The following ZFPM1 variants were observed in gnomAD, a reference collection of about 807,000 sequenced individuals.
The protein encoded by ZFPM1 is zinc finger protein, FOG family member 1, also known as zinc finger protein ZFPM1.
ZFPM1 carries 28 observed loss-of-function variants against 46.3 expected under a neutral mutation model. The ratio of observed to expected loss-of-function variants is 0.60; its 90% CI spans 0.45 to 0.83. ZFPM1 has a LOEUF of 0.83. Ranked by LOEUF, ZFPM1 falls within the 40% of genes least tolerant of loss-of-function variation. The pLI is 0.00. For synonymous variants in ZFPM1, 957 were observed against 675.9 expected, an observed-to-expected ratio of 1.42 and a Z score of -6.45; for missense variants, 1,878 against 1,432.4, an observed-to-expected ratio of 1.31 and a Z score of -5.02.
chr16:88,534,393 C>G lies in ZFPM1; in HGVS notation c.2435C>G (p.Ala812Gly). The change falls in exon 10 of 10, where the codon GCG becomes GGG. Residue 812 changes from alanine to glycine, a missense_variant. By Grantham distance (60) the Ala-to-Gly change is moderately conservative. Transcript: ENST00000319555. ...CCGCTCCCCGGAGCCCCGGCACCGG[C>G]GCTGGCCGACTACCACGAGTGCACG... ...RRPLPGAPAP[A>G]LADYHECTAC... 1 of 1,471,866 alleles carries G rather than the reference C, an allele frequency of 6.8e-7. No homozygotes were observed. The highest frequency in any genetic ancestry group is 1.3e-5 in the South Asian group (1 of 79,484). 91.2% of individuals were successfully genotyped at this position (1,471,866 alleles called of 1,614,324 possible). A position where few individuals can be genotyped will look rare whatever the true frequency, so the allele number is the denominator to read the frequency against.
At chr16:88,521,615 C>G (rs1911894017) in intron 4 of ZFPM1, among the ~76,000 whole-genome samples, 1 of 131,840 alleles carries the variant, frequency 7.6e-6, no homozygotes. Flanking sequence ...TCATGCTGTT[C>G]CCCCAACCCG....
chr16:88,535,437 A>G lies in ZFPM1; in HGVS notation c.*458A>G, dbSNP rs963052431. The G allele has an allele frequency of 3.9e-5, 6 of 153,350 alleles. No homozygotes were observed. The highest frequency in any genetic ancestry group is 1.4e-4 in the African/African-American group (6 of 41,484). 9.5% of individuals were successfully genotyped at this position (153,350 alleles called of 1,614,324 possible). ...AGCCTCCACACTGCTGACCCTCTCC[A>G]CGGTCTACTTGGCCGCCAGACACGG... On this transcript the variant is annotated 3_prime_UTR_variant, in exon 10 of 10. Transcript: ENST00000319555.
At position 88,464,169 on chromosome 16, in the gene ZFPM1, C is replaced by G. The variant is rs34133766; in HGVS notation, c.40+10491C>G. 7.1e-3 allele frequency among the ~76,000 whole-genome samples: 1,076 copies of G among 152,274 alleles called. 8 individuals carry two copies. Among genetic ancestry groups the G allele is most frequent in the Non-Finnish European group, 0.01 (709 of 68,006 alleles). ...TGGGTGCCGCGTCTCAAGGAAGGGC[C>G]CTGAGGAGAGGTGAGCAGCCCCTCA... On this transcript the variant is annotated intron_variant, in intron 1 of 9. Coordinates refer to ENST00000319555, the MANE Select transcript of ZFPM1 (RefSeq NM_153813.3).
In ZFPM1 at chr16:88,533,320, GC is replaced by G; in HGVS notation, c.1367del (p.Pro456ArgfsTer342). 3 of 1,531,716 alleles carry G rather than the reference GC, an allele frequency of 2.0e-6. No individual in the cohort carries two copies. Among genetic ancestry groups the G allele is most frequent in the African/African-American group, 1.4e-5 (1 of 72,520 alleles). The allele number at this position is 1,531,716 out of a possible 1,614,324, so 94.9% of individuals were successfully genotyped here. A position where few individuals can be genotyped will look rare whatever the true frequency, so the allele number is the denominator to read the frequency against. On this transcript the variant is annotated frameshift_variant, in exon 10 of 10. Coordinates refer to ENST00000319555, the MANE Select transcript of ZFPM1 (RefSeq NM_153813.3). LOFTEE classifies it low-confidence loss of function (END_TRUNC). ...PLAQNGGSSEPPAAPRSIKVE... is the reference protein window; with the variant it reads ...PLAQNGGSSEXPAAPRSIKVE... ...TGGCCCAGAATGGAGGCAGCAGCGA[GC>G]CCCCGGCGGCCCCCAGGAGCATCAA...
intron 1 of ZFPM1, among the ~76,000 whole-genome samples, chr16:88,468,211 C>T (rs71394100): frequency 0.33 from 47,142 of 141,586 alleles, 8,280 homozygotes; most frequent in East Asian, 0.56. Flanking sequence ...CAAGCACCCG[C>T]GAGCCCACCG....
upstream of ZFPM1, among the ~76,000 whole-genome samples, chr16:88,452,309 G>C (rs1306836104): frequency 6.6e-6 from 1 of 152,232 alleles, no homozygotes; most frequent in Non-Finnish European, 1.5e-5. Context: ...TTCCAGGCCT[G>C]AGCTGACAGC....
rs1163706650 is a variant in ZFPM1, at chr16:88,534,753, C to A, written c.2795C>A (p.Pro932Gln). 2 of 1,042,272 alleles carry A rather than the reference C, an allele frequency of 1.9e-6. No homozygotes were observed. Among genetic ancestry groups the A allele is most frequent in the Non-Finnish European group, 1.2e-6 (1 of 866,944 alleles). 64.6% of individuals were successfully genotyped at this position (1,042,272 alleles called of 1,614,324 possible). Residue 932 changes from proline (P) to glutamine (Q), a missense_variant, in exon 10 of 10, where the codon CCG becomes CAG. Coordinates refer to ENST00000319555, the MANE Select transcript of ZFPM1 (RefSeq NM_153813.3). ...GAGCCCCAGGAGCCGCCGCCCGGCC[C>A]GCCCCCGTCCCCGGCCGCCGCGCCC... Reference protein sequence around the residue: ...GPEPQEPPPGPPPSPAAAPEA... With the variant: ...GPEPQEPPPGQPPSPAAAPEA...
In ZFPM1 at chr16:88,534,326, G is replaced by GGCCTCGCCCCTGCGCGCT; in HGVS notation, c.2368_2369insGCCTCGCCCCTGCGCGCT (p.Ala790delinsGlyLeuAlaProAlaArgSer). 1 of 1,338,178 alleles carries GGCCTCGCCCCTGCGCGCT rather than the reference G, an allele frequency of 7.5e-7. No individual in the cohort carries two copies. 82.9% of individuals were successfully genotyped at this position (1,338,178 alleles called of 1,614,324 possible). A position where few individuals can be genotyped will look rare whatever the true frequency, so the allele number is the denominator to read the frequency against. ...CGCCCCTGCGCGCTCGCCCGGCCCC[G>GGCCTCGCCCCTGCGCGCT]CGGCCGACGGCCCCATCGACCTGAG... On this transcript the variant is annotated protein_altering_variant, in exon 10 of 10. Transcript: ENST00000319555.
rs768887992 is a variant in ZFPM1, at chr16:88,453,597, G to A, written c.-42G>A. The A allele has an allele frequency of 3.8e-6, 4 of 1,048,318 alleles. No individual in the cohort carries two copies. The South Asian group carries it at 1.2e-4, about 31-fold the overall frequency. 64.9% of individuals were successfully genotyped at this position (1,048,318 alleles called of 1,614,324 possible). ...CCCGCCGCCCGCCGCCGCCCGCCCG[G>A]GGCTAGAGGCGGCCGCCGGGAGGGC... On this transcript the variant is annotated 5_prime_UTR_variant, in exon 1 of 10. Transcript: ENST00000319555.
At chr16:88,516,323 C>T in intron 4 of ZFPM1, 1 of 397,950 alleles carries the variant, frequency 2.5e-6, no homozygotes, top group Non-Finnish European at 4.4e-6. Context: ...GTCCGCCTGC[C>T]TCCGCATTTA....
Position 88,492,709 on chromosome 16 carries a change from G to A in ZFPM1, c.268+3556G>A, listed in dbSNP as rs8050960. 2.1e-3 allele frequency among the ~76,000 whole-genome samples: 316 copies of A among 152,304 alleles called. 1 individual carries two copies. The highest frequency in any genetic ancestry group is 6.4e-3 in the African/African-American group (265 of 41,572). On this transcript the variant is annotated intron_variant, in intron 3 of 9. Transcript: ENST00000319555. ...CGGTGTTAGCCCGGCGGAGAGGCCC[G>A]GCCTTGGTGCCTCTCCCAACAGCTC...
intron 5 of ZFPM1, among the ~76,000 whole-genome samples, chr16:88,527,591 C>G (rs372198654): frequency 6.6e-6 from 1 of 152,110 alleles, no homozygotes; most frequent in Non-Finnish European, 1.5e-5. Context: ...GGTGAACAAG[C>G]CGGCCCCGCG....
At chr16:88,465,844 C>T (rs902217618) in intron 1 of ZFPM1, among the ~76,000 whole-genome samples, 2 of 152,176 alleles carry the variant, frequency 1.3e-5, no homozygotes, top group African/African-American at 4.8e-5. Context: ...GAGCGATTAG[C>T]GGCGATTAGA....
chr16:88,485,414 TG>T (rs1451223816), intron 1 of ZFPM1, among the ~76,000 whole-genome samples: 1 of 145,970 alleles, frequency 6.9e-6, no homozygotes, highest in Non-Finnish European at 1.5e-5. Flanking sequence ...TTGCAGAGGG[TG>T]GGGGTTCGTC....
At chr16:88,528,785 T>C (rs1441609856) in intron 6 of ZFPM1, among the ~76,000 whole-genome samples, 3 of 152,204 alleles carry the variant, frequency 2.0e-5, no homozygotes, top group Non-Finnish European at 4.4e-5. Context: ...TTACCCAGGA[T>C]GGTCATAAAG....
At chr16:88,467,541 C>G (rs966761241) in intron 1 of ZFPM1, among the ~76,000 whole-genome samples, 1 of 152,262 alleles carries the variant, frequency 6.6e-6, no homozygotes, top group African/African-American at 2.4e-5. Flanking sequence ...AGAGTCCTTT[C>G]AAGGAGCTGA....
chr16:88,534,075 G>A lies in ZFPM1; in HGVS notation c.2117G>A (p.Cys706Tyr), dbSNP rs1274735031. ...ETYTVHKRYY[C>Y]ASRHDPPPRR... Reference sequence around the variant, plus strand: ...TACACCGTGCACAAGCGGTACTACTGCGCCTCGCGCCACGACCCGCCGCCG... The same window carrying A: ...TACACCGTGCACAAGCGGTACTACTACGCCTCGCGCCACGACCCGCCGCCG... The change falls in exon 10 of 10, where the codon TGC (cysteine) becomes TAC (tyrosine). Residue 706 changes from cysteine to tyrosine, a missense_variant. Transcript: ENST00000319555. 3 of 1,238,452 alleles carry A rather than the reference G, an allele frequency of 2.4e-6. No homozygotes were observed. Among genetic ancestry groups the A allele is most frequent in the African/African-American group, 1.6e-5 (1 of 61,606 alleles). 76.7% of individuals were successfully genotyped at this position (1,238,452 alleles called of 1,614,324 possible).
At chr16:88,519,048 A>ATG (rs1911581857) in intron 4 of ZFPM1, among the ~76,000 whole-genome samples, 4 of 107,926 alleles carry the variant, frequency 3.7e-5, no homozygotes, top group South Asian at 3.9e-4. Context: ...GTGGATGGAT[A>ATG]GATGGATGGA....
intron 1 of ZFPM1, among the ~76,000 whole-genome samples, chr16:88,485,081 C>T (rs556582915): frequency 6.6e-6 from 1 of 152,202 alleles, no homozygotes; most frequent in Non-Finnish European, 1.5e-5. Flanking sequence ...GTTCCCAGAC[C>T]GAGGGAATGA....
Sources: allele counts gnomAD v4.1 joint callset (sites outside exome capture counted in the v4.1 genomes callset), GRCh38; gene constraint gnomAD v4.1.1; transcripts MANE v1.5; gene names NCBI Gene and HGNC (gene_info 2026-07-23, HGNC 2026-07-21).